EFNB2: variants seen among roughly 807,000 people sequenced by gnomAD.
EFNB2 encodes the protein ephrin-B2.
A neutral mutation model predicts 32.1 loss-of-function variants in EFNB2; 5 were observed. The observed-to-expected ratio is 0.16, with a 90% CI of 0.08 to 0.33. EFNB2 has a LOEUF of 0.33. Among genes scored for constraint, EFNB2 ranks in the 10% least tolerant of loss-of-function variants. EFNB2 has a pLI of 1.00. For synonymous variants in EFNB2, 168 were observed against 166.5 expected, an observed-to-expected ratio of 1.01 and a Z score of -0.07; for missense variants, 263 against 422.6, an observed-to-expected ratio of 0.62 and a Z score of 3.31.
At chr13:106,500,069 T>G (rs978122679) in intron 2 of EFNB2, among the ~76,000 whole-genome samples, 1 of 151,622 alleles carries the variant, frequency 6.6e-6, no homozygotes, top group Non-Finnish European at 1.5e-5. Flanking sequence ...GTTATCTGAG[T>G]AGGAAAAAAA....
chr13:106,512,066 A>T (rs924336721), intron 2 of EFNB2, among the ~76,000 whole-genome samples: 6 of 152,158 alleles, frequency 3.9e-5, no homozygotes, highest in Non-Finnish European at 7.4e-5. Flanking sequence ...CTTCTTGAGG[A>T]AAACATGCTA....
chr13:106,517,641 G>C (rs951718231), intron 1 of EFNB2: 1 of 152,256 alleles, frequency 6.6e-6, no homozygotes, highest in Non-Finnish European at 1.5e-5. Context: ...GGAACCATGG[G>C]AAGCTACTCT....
At chr13:106,514,688 C>T (rs1879256570) in intron 1 of EFNB2, among the ~76,000 whole-genome samples, 1 of 152,160 alleles carries the variant, frequency 6.6e-6, no homozygotes, top group Non-Finnish European at 1.5e-5. Flanking sequence ...GGAGTCAATT[C>T]CTGCCTAGGG....
At chr13:106,502,386 C>T (rs1878811177) in intron 2 of EFNB2, among the ~76,000 whole-genome samples, 1 of 152,270 alleles carries the variant, frequency 6.6e-6, no homozygotes, top group East Asian at 1.9e-4. Context: ...TCTTTAATTT[C>T]AAATATTCAT....
At position 106,513,977 on chromosome 13, in the gene EFNB2, T is replaced by C. The variant is rs1337231375; in HGVS notation, c.123-1165A>G. The stretch of plus-strand genomic sequence containing the variant: ...CAAGGGAATAGTTTATGATTTATGC[T>C]AATGAATGGTATTAATTTTCTGAAA... On this transcript the variant is annotated intron_variant, in intron 1 of 4. Coordinates refer to ENST00000646441, the MANE Select transcript of EFNB2 (RefSeq NM_004093.4). Among the ~76,000 whole-genome samples the C allele has an allele frequency of 2.0e-5, 3 of 152,236 alleles. No homozygotes were observed. The East Asian group carries it at 5.8e-4, about 29-fold the overall frequency.
In EFNB2 at chr13:106,492,988, A is replaced by G; in HGVS notation, c.*52T>C. ...GGGCTCTCAAACCCTCAAGGGAGGC[A>G]TCGGGACATTAGGTGTCCTCTGGGA... On this transcript the variant is annotated 3_prime_UTR_variant, in exon 5 of 5. Transcript: ENST00000646441. This position sits in a 1 kb window ranked among gnomAD's most constrained non-coding sequence, Gnocchi z 5.1. 2 of 1,547,648 alleles carry G rather than the reference A, an allele frequency of 1.3e-6. No individual in the cohort carries two copies. Among genetic ancestry groups the G allele is most frequent in the Non-Finnish European group, 1.7e-6 (2 of 1,146,416 alleles).
intron 1 of EFNB2, among the ~76,000 whole-genome samples, chr13:106,532,014 A>G (rs1179051119): frequency 1.3e-5 from 2 of 151,626 alleles, no homozygotes; most frequent in African/African-American, 4.9e-5. Flanking sequence ...CTGAAGTGTT[A>G]AGTTAAAAAC....
chr13:106,519,858 A>G (rs933146338), intron 1 of EFNB2: 3 of 152,196 alleles, frequency 2.0e-5, no homozygotes, highest in African/African-American at 7.2e-5. Context: ...ATCTTTCATA[A>G]TTGACTTTAA....
At chr13:106,506,319 T>C (rs530546506) in intron 2 of EFNB2, 2 of 152,306 alleles carry the variant, frequency 1.3e-5, no homozygotes, top group African/African-American at 4.8e-5. Flanking sequence ...ACTATTTTCA[T>C]TGTGTAACAG....
chr13:106,535,007 G>C lies in EFNB2; in HGVS notation c.-43C>G, dbSNP rs575645186. 25 of 1,608,074 alleles carry C rather than the reference G, an allele frequency of 1.6e-5. No homozygotes were observed. The East Asian group carries it at 5.6e-4, about 36-fold the overall frequency. On this transcript the variant is annotated 5_prime_UTR_variant, in exon 1 of 5. Coordinates refer to ENST00000646441, the MANE Select transcript of EFNB2 (RefSeq NM_004093.4). ...CTCCGCGCACTCCGGGCCAAGAAGG[G>C]ACTGACGGGACGCAGGCTGGGACCC...
intron 2 of EFNB2, among the ~76,000 whole-genome samples, chr13:106,507,592 G>C (rs1299558000): frequency 1.3e-5 from 2 of 151,964 alleles, no homozygotes; most frequent in East Asian, 3.8e-4. Context: ...AAAGCTGTTT[G>C]TGAAGCTTTC....
intron 2 of EFNB2, among the ~76,000 whole-genome samples, chr13:106,507,376 G>A (rs190464634): frequency 1.2e-3 from 182 of 152,232 alleles, no homozygotes; most frequent in African/African-American, 4.1e-3. Context: ...CATTCAGTAC[G>A]TTTCAGTACT....
chr13:106,492,893 G>A lies in EFNB2; in HGVS notation c.*147C>T, dbSNP rs575805487. 3.8e-5 allele frequency: 40 copies of A among 1,064,816 alleles called. No individual in the cohort carries two copies. In the East Asian group the frequency reaches 4.5e-4, roughly 12 times the overall value. The allele number at this position is 1,064,816 out of a possible 1,614,324, so 66.0% of individuals were successfully genotyped here. On this transcript the variant is annotated 3_prime_UTR_variant, in exon 5 of 5. Transcript: ENST00000646441. This position sits in a 1 kb window ranked among gnomAD's most constrained non-coding sequence, Gnocchi z 5.1. The stretch of plus-strand genomic sequence containing the variant: ...TACAAGACTAGGTAAGCTGTCCAGC[G>A]CGACGGGCTCTTCCGAGGAGGAGTG...
At chr13:106,495,565 T>C (rs1878562838) in intron 3 of EFNB2, among the ~76,000 whole-genome samples, 183 bp downstream of exon 3, 1 of 152,170 alleles carries the variant, frequency 6.6e-6, no homozygotes, top group Non-Finnish European at 1.5e-5. Flanking sequence ...AACTCTTAGA[T>C]CTCCAATAAA....
intron 1 of EFNB2, among the ~76,000 whole-genome samples, chr13:106,532,006 G>A (rs1879886416): frequency 6.7e-6 from 1 of 148,640 alleles, no homozygotes; most frequent in Admixed American, 6.7e-5. Context: ...ATGTTCTACT[G>A]AAGTGTTAAG....
At chr13:106,527,352 C>G (rs1879735652) in intron 1 of EFNB2, among the ~76,000 whole-genome samples, 1 of 152,122 alleles carries the variant, frequency 6.6e-6, no homozygotes, top group Admixed American at 6.5e-5. Flanking sequence ...GGTTCATTCA[C>G]AGCGCTCTAA....
intron 1 of EFNB2, among the ~76,000 whole-genome samples, chr13:106,529,338 C>CT (rs1452930885): frequency 6.6e-6 from 1 of 152,222 alleles, no homozygotes; most frequent in Non-Finnish European, 1.5e-5. Context: ...AGAACGGCTG[C>CT]TGCTGTTAGG....
chr13:106,532,877 C>T (rs947664859), intron 1 of EFNB2, among the ~76,000 whole-genome samples: 2 of 151,428 alleles, frequency 1.3e-5, no homozygotes, highest in Non-Finnish European at 1.5e-5. Flanking sequence ...CCCATCTCGA[C>T]ACATTACAAA....
chr13:106,523,173 G>C (rs545172544), intron 1 of EFNB2, among the ~76,000 whole-genome samples: 1 of 152,192 alleles, frequency 6.6e-6, no homozygotes, highest in South Asian at 2.1e-4. Flanking sequence ...CGTGAAGTTA[G>C]GGAAGAAAAG....
Sources: gnomAD v4.1 joint callset for allele counts (sites outside exome capture counted in the v4.1 genomes callset) on GRCh38, gnomAD v4.1.1 for gene constraint, Gnocchi (gnomAD v3.1) non-coding constraint, MANE v1.5 for transcripts, NCBI Gene and HGNC (gene_info 2026-07-23, HGNC 2026-07-21) for gene names.